The following FHIT variants were observed in gnomAD, a reference collection of about 807,000 sequenced individuals.
FHIT encodes the protein fragile histidine triad diadenosine triphosphatase.
In FHIT, 19 loss-of-function variants were observed where a neutral mutation model predicts 17.9. That is an observed-to-expected ratio of 1.06 (90% CI 0.74 to 1.56). The LOEUF (loss-of-function observed/expected upper bound fraction) is 1.56, where lower values mean the gene tolerates loss of function less well. Among genes scored for constraint, FHIT ranks in the 40% most tolerant of loss-of-function variants. The pLI is 0.00. For missense variants in FHIT, 248 were observed against 189.2 expected (o/e 1.31, Z -1.82); for synonymous variants, 81 against 69.7 (o/e 1.16, Z -0.81).
In FHIT at chr3:60,652,685, G is replaced by A. The variant is rs1326036294; in HGVS notation, c.-17-115706C>T. On this transcript the variant is annotated intron_variant, in intron 4 of 9. Transcript: ENST00000492590. ...GGAGCTTGCAGTGAGCTGAGATTGTGCCACTGCACTCCAGCCTGGGCAAAA... is the reference window on the plus strand; with the variant it reads ...GGAGCTTGCAGTGAGCTGAGATTGTACCACTGCACTCCAGCCTGGGCAAAA... Among the ~76,000 whole-genome samples the A allele has an allele frequency of 2.2e-5, 3 of 137,482 alleles. No individual in the cohort carries two copies. The East Asian group carries it at 6.3e-4, about 29-fold the overall frequency. 90.2% of individuals were successfully genotyped at this position (137,482 alleles called of 152,430 possible). A position where few individuals can be genotyped will look rare whatever the true frequency, so the allele number is the denominator to read the frequency against.
At chr3:61,139,986 A>T (rs956458059) in intron 2 of FHIT, among the ~76,000 whole-genome samples, 4 of 151,740 alleles carry the variant, frequency 2.6e-5, no homozygotes, top group African/African-American at 9.7e-5. Context: ...ATCTATGAGG[A>T]TAACGACTTT....
rs558364209 is a variant in FHIT at position 60,263,292 on chromosome 3, C to G, written c.104-249140G>C. Among the ~76,000 whole-genome samples, 107 of 151,976 alleles carry G rather than the reference C, an allele frequency of 7.0e-4. 2 individuals carry two copies. The highest frequency in any genetic ancestry group is 2.4e-3 in the African/African-American group (98 of 41,488). On this transcript the variant is annotated intron_variant, in intron 5 of 9. Coordinates refer to ENST00000492590, the MANE Select transcript of FHIT (RefSeq NM_002012.4). ...CCATTTTAGAATACCACTGGCAATT[C>G]CTTGTAAATTTGACTTTAAATATAG...
At chr3:60,046,130 T>A (rs969579375) in intron 5 of FHIT, among the ~76,000 whole-genome samples, 1 of 152,222 alleles carries the variant, frequency 6.6e-6, no homozygotes, top group Non-Finnish European at 1.5e-5. Flanking sequence ...GGGTCATATG[T>A]GTAAAACGAA....
At chr3:60,380,408 G>A (rs945232337) in intron 5 of FHIT, among the ~76,000 whole-genome samples, 1 of 152,156 alleles carries the variant, frequency 6.6e-6, no homozygotes, top group African/African-American at 2.4e-5. Context: ...TGTACACCCT[G>A]CAGAACCATG....
rs183924360 is a variant in FHIT at position 60,823,661 on chromosome 3, T to C, written c.-110-1650A>G. Among the ~76,000 whole-genome samples, 271 of 152,314 alleles carry C rather than the reference T, an allele frequency of 1.8e-3. 2 individuals are homozygous for C. Among genetic ancestry groups the C allele is most frequent in the African/African-American group, 6.4e-3 (267 of 41,570 alleles). On this transcript the variant is annotated intron_variant, in intron 3 of 9. Transcript: ENST00000492590. Reference sequence around the variant, plus strand: ...CCTGGTGACACTTTGATTTCAGACTTGTAGCCTCCAGAACTATGAGACAAT... The same window carrying C: ...CCTGGTGACACTTTGATTTCAGACTCGTAGCCTCCAGAACTATGAGACAAT...
At chr3:60,195,614 T>G (rs1426068549) in intron 5 of FHIT, among the ~76,000 whole-genome samples, 1 of 146,030 alleles carries the variant, frequency 6.8e-6, no homozygotes, top group East Asian at 2.0e-4. Flanking sequence ...TATGTATATA[T>G]AATTATATAT....
At chr3:61,205,320 C>A (rs1197853362) in intron 1 of FHIT, among the ~76,000 whole-genome samples, 1 of 152,024 alleles carries the variant, frequency 6.6e-6, no homozygotes, top group Admixed American at 6.6e-5. Flanking sequence ...GATTTATAAT[C>A]CTTTTAGTAT....
intron 4 of FHIT, among the ~76,000 whole-genome samples, chr3:60,679,252 C>T (rs1485148832): frequency 6.6e-6 from 1 of 152,108 alleles, no homozygotes; most frequent in Non-Finnish European, 1.5e-5. Flanking sequence ...ATCCGTCCAA[C>T]TGGACAAAAC....
At chr3:59,995,981 AG>A (rs1218864575) in intron 7 of FHIT, among the ~76,000 whole-genome samples, 6 of 152,098 alleles carry the variant, frequency 3.9e-5, no homozygotes, top group Admixed American at 3.9e-4. Context: ...TAGATGAAGA[AG>A]AAGAGAGTGA....
intron 5 of FHIT, among the ~76,000 whole-genome samples, chr3:60,181,360 G>A (rs1701927810): frequency 6.6e-6 from 1 of 151,942 alleles, no homozygotes; most frequent in East Asian, 1.9e-4. Context: ...TGGCCAGGCT[G>A]GTCTCGAACT....
At chr3:60,001,066 C>T (rs1032978655) in intron 7 of FHIT, among the ~76,000 whole-genome samples, 1 of 152,196 alleles carries the variant, frequency 6.6e-6, no homozygotes, top group Non-Finnish European at 1.5e-5. Context: ...AGCCATACCA[C>T]CCCATTCCCC....
At chr3:60,486,208 AAAC>A (rs2033833069) in intron 5 of FHIT, among the ~76,000 whole-genome samples, 1 of 152,182 alleles carries the variant, frequency 6.6e-6, no homozygotes, top group African/African-American at 2.4e-5. Flanking sequence ...GAGAGTATAT[AAAC>A]AATAATAGAA....
chr3:60,934,206 G>A (rs908444125), intron 3 of FHIT, among the ~76,000 whole-genome samples: 2 of 152,150 alleles, frequency 1.3e-5, no homozygotes, highest in South Asian at 4.1e-4. Context: ...GCAGTACCAG[G>A]AGAAATGGAG....
chr3:60,351,760 A>T (rs954479535), intron 5 of FHIT, among the ~76,000 whole-genome samples: 1 of 152,202 alleles, frequency 6.6e-6, no homozygotes, highest in Admixed American at 6.5e-5. Context: ...GCTCGCAAGG[A>T]AACCAGTCAG....
rs9850790 is a variant in FHIT at position 60,821,136 on chromosome 3, C to G, written c.-18+783G>C. Among the ~76,000 whole-genome samples, 923 of 152,130 alleles carry G rather than the reference C, an allele frequency of 6.1e-3. 15 individuals are homozygous for G. Among genetic ancestry groups the G allele is most frequent in the African/African-American group, 0.021 (866 of 41,508 alleles). The stretch of plus-strand genomic sequence containing the variant: ...GATTACAGACACCTGCTACCACATC[C>G]GGCTAATTTTTGGATTTTTGGTAGA... On this transcript the variant is annotated intron_variant, in intron 4 of 9. Coordinates refer to ENST00000492590, the MANE Select transcript of FHIT (RefSeq NM_002012.4).
rs751354648 is a variant in FHIT at position 60,536,838 on chromosome 3, CAAA to C, written c.103+19_103+21del. 13 of 1,184,396 alleles carry C rather than the reference CAAA, an allele frequency of 1.1e-5. No individual in the cohort carries two copies. The highest frequency in any genetic ancestry group is 2.1e-4 in the Middle Eastern group (1 of 4,698). 73.4% of individuals were successfully genotyped at this position (1,184,396 alleles called of 1,614,324 possible). A position where few individuals can be genotyped will look rare whatever the true frequency, so the allele number is the denominator to read the frequency against. On this transcript the variant is annotated intron_variant, in intron 5 of 9. Coordinates refer to ENST00000492590, the MANE Select transcript of FHIT (RefSeq NM_002012.4). ...TCAGAAGACTTTTATTTTCCCTCTC[CAAA>C]AAAAAAAAGAAAGGATACGTCCTGG...
chr3:60,148,598 A>C (rs1263873656), intron 5 of FHIT, among the ~76,000 whole-genome samples: 1 of 152,210 alleles, frequency 6.6e-6, no homozygotes, highest in Non-Finnish European at 1.5e-5. Context: ...TACACAAAGG[A>C]GGCCATCAGA....
At chr3:59,899,968 G>C (rs1704252795) in intron 8 of FHIT, among the ~76,000 whole-genome samples, 1 of 152,202 alleles carries the variant, frequency 6.6e-6, no homozygotes, top group Non-Finnish European at 1.5e-5. Context: ...CCGGCCATAG[G>C]TAAACAAATG....
At chr3:60,728,610 A>G (rs2041964051) in intron 4 of FHIT, among the ~76,000 whole-genome samples, 1 of 151,386 alleles carries the variant, frequency 6.6e-6, no homozygotes, top group African/African-American at 2.4e-5. Context: ...AAAATTGTTT[A>G]TTGTTTATTT....
Sources: gnomAD v4.1 joint callset for allele counts (sites outside exome capture counted in the v4.1 genomes callset) on GRCh38, gnomAD v4.1.1 for gene constraint, MANE v1.5 for transcripts, NCBI Gene and HGNC (gene_info 2026-07-23, HGNC 2026-07-21) for gene names.